The following CCSER1 variants were observed in gnomAD, a reference collection of about 807,000 sequenced individuals.
CCSER1 encodes the protein coiled-coil serine rich protein 1, also known as serine-rich coiled-coil domain-containing protein 1.
CCSER1 carries 41 observed loss-of-function variants against 82.0 expected under a neutral mutation model. That is an observed-to-expected ratio of 0.50 (90% CI 0.39 to 0.65). The LOEUF (loss-of-function observed/expected upper bound fraction) is 0.65. Ranked by LOEUF, CCSER1 falls within the 30% of genes least tolerant of loss-of-function variation. The pLI, the probability that CCSER1 is intolerant of heterozygous loss-of-function variation, is 0.00. For missense variants in CCSER1, 1,119 were observed against 1,064.2 expected (o/e 1.05, Z -0.72); for synonymous variants, 414 against 383.9 (o/e 1.08, Z -0.92).
At position 90,699,987 on chromosome 4, in the gene CCSER1, C is replaced by CT. The variant is rs1018069074; in HGVS notation, c.1933-23915dup. ...CAGTGCAATCTGCTTATGTCTCAAT[C>CT]TTTTTTTTTTTTAATTATACTTTAA... On this transcript the variant is annotated intron_variant, in intron 6 of 10. Transcript: ENST00000509176. 1.4e-3 allele frequency among the ~76,000 whole-genome samples: 201 copies of CT among 145,630 alleles called. 2 individuals are homozygous for CT. The highest frequency in any genetic ancestry group is 3.6e-3 in the Middle Eastern group (1 of 274).
chr4:90,589,347 TTTTG>T (rs1435785287), intron 5 of CCSER1, among the ~76,000 whole-genome samples: 3 of 152,082 alleles, frequency 2.0e-5, no homozygotes, highest in African/African-American at 4.8e-5. Flanking sequence ...TTTATAATTT[TTTTG>T]TTTTTTAATT....
intron 10 of CCSER1, among the ~76,000 whole-genome samples, chr4:91,248,720 A>AT (rs1374962154): frequency 1.3e-4 from 20 of 152,238 alleles, no homozygotes; most frequent in African/African-American, 4.8e-4. Flanking sequence ...CAGAAAAAGG[A>AT]TATTAGGTAA....
chr4:91,036,155 A>G (rs1325704555), intron 9 of CCSER1, among the ~76,000 whole-genome samples: 2 of 152,192 alleles, frequency 1.3e-5, no homozygotes, highest in African/African-American at 4.8e-5. Flanking sequence ...GTGCTACAGT[A>G]TATGAGACAA....
At chr4:90,544,537 A>G (rs1453130154) in intron 5 of CCSER1, among the ~76,000 whole-genome samples, 3 of 152,104 alleles carry the variant, frequency 2.0e-5, no homozygotes, top group African/African-American at 7.2e-5. Flanking sequence ...GACAAACCCC[A>G]GAAGCTCATC....
intron 7 of CCSER1, among the ~76,000 whole-genome samples, chr4:90,809,311 T>TACACAC (rs56677479): frequency 2.7e-3 from 397 of 148,352 alleles, no homozygotes; most frequent in African/African-American, 9.2e-3. Context: ...AGCAAGATCA[T>TACACAC]ACACACACAC....
chr4:90,592,299 G>T (rs187104918), intron 5 of CCSER1, among the ~76,000 whole-genome samples: 6 of 152,274 alleles, frequency 3.9e-5, no homozygotes, highest in Non-Finnish European at 1.5e-5. Flanking sequence ...ATTTACCATT[G>T]TGATAATGCT....
Position 90,482,042 on chromosome 4 carries a change from T to C in CCSER1, c.1724+13688T>C, listed in dbSNP as rs181293449. 2.0e-5 allele frequency among the ~76,000 whole-genome samples: 3 copies of C among 152,344 alleles called. No homozygotes were observed. The East Asian group carries it at 5.8e-4, about 29-fold the overall frequency. On this transcript the variant is annotated intron_variant, in intron 5 of 10. Coordinates refer to ENST00000509176, the MANE Select transcript of CCSER1 (RefSeq NM_001145065.2). ...GGTAAGCTATTAATTATAGCCTCAA[T>C]TTCAAAGCCTGTTATTAGTCTATTC... is the stretch of plus-strand genomic sequence containing the variant.
chr4:90,741,848 A>G (rs190331270), intron 7 of CCSER1, among the ~76,000 whole-genome samples: 3 of 152,334 alleles, frequency 2.0e-5, no homozygotes, highest in Admixed American at 1.3e-4. Context: ...GCATGAGTTC[A>G]GTTTATCTGG....
intron 4 of CCSER1, 71 bp from the exon 5 acceptor site, chr4:90,468,163 G>A (rs1179275796): frequency 1.5e-6 from 2 of 1,300,796 alleles, no homozygotes; most frequent in African/African-American, 1.5e-5. Context: ...ATATAGAAAG[G>A]GGAAAAAGGA....
intron 4 of CCSER1, 99 bp from the exon 5 acceptor site, chr4:90,468,135 G>C: frequency 2.0e-6 from 2 of 1,005,414 alleles, no homozygotes; most frequent in Non-Finnish European, 2.8e-6. Flanking sequence ...ATTAGAATTA[G>C]ATCTTTTATT....
intron 10 of CCSER1, among the ~76,000 whole-genome samples, chr4:91,528,322 T>C (rs1159014165): frequency 6.6e-6 from 1 of 152,184 alleles, no homozygotes; most frequent in African/African-American, 2.4e-5. Context: ...AAGAAAGTGA[T>C]GGTATATAAA....
intron 10 of CCSER1, among the ~76,000 whole-genome samples, chr4:91,529,995 A>G (rs1760944038): frequency 6.6e-6 from 1 of 152,100 alleles, no homozygotes; most frequent in Admixed American, 6.5e-5. Flanking sequence ...TGTGCTGAAC[A>G]CTGAAACTTG....
intron 10 of CCSER1, among the ~76,000 whole-genome samples, chr4:91,302,452 T>C (rs983441832): frequency 2.6e-5 from 4 of 152,034 alleles, no homozygotes; most frequent in Non-Finnish European, 5.9e-5. Flanking sequence ...ATTTTTTTTC[T>C]ATAATCACTT....
At chr4:90,908,400 T>G (rs548882040) in intron 8 of CCSER1, among the ~76,000 whole-genome samples, 2 of 152,062 alleles carry the variant, frequency 1.3e-5, no homozygotes, top group South Asian at 4.2e-4. Context: ...TAATATGAGA[T>G]GAAGGTGATA....
At chr4:90,396,096 A>G (rs1382863708) in intron 3 of CCSER1, among the ~76,000 whole-genome samples, 3 of 152,072 alleles carry the variant, frequency 2.0e-5, no homozygotes, top group South Asian at 4.1e-4. Context: ...ACAAAAACAA[A>G]CAAACAAACA....
intron 9 of CCSER1, among the ~76,000 whole-genome samples, chr4:90,963,848 T>TA (rs916890075): frequency 1.1e-4 from 16 of 151,516 alleles, no homozygotes; most frequent in African/African-American, 2.2e-4. Flanking sequence ...AAGGTTCAAG[T>TA]AAAAAAAAAT....
chr4:90,271,761 C>G (rs954865956), intron 1 of CCSER1, among the ~76,000 whole-genome samples: 1 of 134,142 alleles, frequency 7.5e-6, no homozygotes, highest in South Asian at 2.5e-4. Flanking sequence ...GAATTAATAA[C>G]CAGATTATAT....
intron 10 of CCSER1, among the ~76,000 whole-genome samples, chr4:91,429,215 A>C (rs1267910673): frequency 6.6e-6 from 1 of 151,954 alleles, no homozygotes; most frequent in East Asian, 1.9e-4. Context: ...TAAGAATTTT[A>C]GATTCTGTTT....
At chr4:90,454,348 T>C (rs1427634951) in intron 4 of CCSER1, among the ~76,000 whole-genome samples, 2 of 152,016 alleles carry the variant, frequency 1.3e-5, no homozygotes, top group African/African-American at 4.8e-5. Flanking sequence ...AGCTTCCTTC[T>C]GATGTCTGGG....
Sources: gnomAD v4.1 joint callset for allele counts (sites outside exome capture counted in the v4.1 genomes callset) on GRCh38, gnomAD v4.1.1 for gene constraint, MANE v1.5 for transcripts, NCBI Gene and HGNC (gene_info 2026-07-23, HGNC 2026-07-21) for gene names.